NRG3: variants seen among roughly 807,000 people sequenced by gnomAD.
The protein encoded by NRG3 is pro-neuregulin-3, membrane-bound isoform.
NRG3 carries 31 observed loss-of-function variants against 66.9 expected under a neutral mutation model. The ratio of observed to expected loss-of-function variants is 0.46; its 90% CI spans 0.35 to 0.63. NRG3 has a LOEUF of 0.63. Ranked by LOEUF, NRG3 falls within the 20% of genes least tolerant of loss-of-function variation. The pLI is 0.00. For missense variants in NRG3, 910 were observed against 878.9 expected (o/e 1.04, Z -0.45); for synonymous variants, 393 against 359.4 (o/e 1.09, Z -1.06).
At chr10:82,803,505 T>C (rs907036858) in intron 3 of NRG3, among the ~76,000 whole-genome samples, 1 of 152,214 alleles carries the variant, frequency 6.6e-6, no homozygotes, top group Non-Finnish European at 1.5e-5. Flanking sequence ...TAATCTCATT[T>C]GTAAATCTCA....
intron 2 of NRG3, among the ~76,000 whole-genome samples, chr10:82,635,549 T>G (rs1320672077): frequency 6.6e-6 from 1 of 152,090 alleles, no homozygotes; most frequent in African/African-American, 2.4e-5. Context: ...AAAACGCCCC[T>G]TCTTATCTGA....
intron 3 of NRG3, among the ~76,000 whole-genome samples, chr10:82,762,483 C>T (rs940500513): frequency 2.6e-5 from 4 of 152,070 alleles, no homozygotes; most frequent in Non-Finnish European, 4.4e-5. Context: ...GAATAAGACA[C>T]ACAAATGATA....
At chr10:82,319,080 CAT>C (rs1427008730) in intron 1 of NRG3, among the ~76,000 whole-genome samples, 1 of 152,196 alleles carries the variant, frequency 6.6e-6, no homozygotes, top group African/African-American at 2.4e-5. Context: ...TTATAGGAAA[CAT>C]ATCTTACTGC....
At chr10:82,372,848 C>T (rs1042018815) in intron 2 of NRG3, among the ~76,000 whole-genome samples, 3 of 152,200 alleles carry the variant, frequency 2.0e-5, no homozygotes, top group Admixed American at 2.0e-4. Flanking sequence ...CTCACCTTGG[C>T]CTCCCTAAGT....
chr10:82,894,735 AT>A (rs946536317), intron 4 of NRG3, among the ~76,000 whole-genome samples: 20 of 150,488 alleles, frequency 1.3e-4, no homozygotes, highest in East Asian at 3.9e-4. Context: ...CTCTACAATA[AT>A]TTTTTTTTTA....
intron 2 of NRG3, among the ~76,000 whole-genome samples, chr10:82,458,579 C>T (rs1419707518): frequency 6.6e-6 from 1 of 152,116 alleles, no homozygotes; most frequent in African/African-American, 2.4e-5. Context: ...AAACTGGAAC[C>T]AAAGGCAACA....
intron 2 of NRG3, among the ~76,000 whole-genome samples, chr10:82,497,908 T>G (rs972763249): frequency 6.6e-6 from 1 of 152,186 alleles, no homozygotes; most frequent in African/African-American, 2.4e-5. Flanking sequence ...ACTTGTTGCC[T>G]CTTGTCTTTT....
intron 1 of NRG3, among the ~76,000 whole-genome samples, chr10:81,973,245 TTTCTAATA>T (rs2059996102): frequency 6.6e-6 from 1 of 152,224 alleles, no homozygotes; most frequent in Admixed American, 6.5e-5. Flanking sequence ...TGATCTCAGT[TTTCTAATA>T]GTTGTATAAC....
chr10:82,251,690 C>G (rs113891557), intron 1 of NRG3, among the ~76,000 whole-genome samples: 3 of 152,106 alleles, frequency 2.0e-5, no homozygotes, highest in African/African-American at 7.2e-5. Flanking sequence ...TTCAAAGGTG[C>G]CTTTGTTTAA....
intron 2 of NRG3, among the ~76,000 whole-genome samples, chr10:82,499,238 G>A (rs907777731): frequency 6.6e-6 from 1 of 152,144 alleles, no homozygotes; most frequent in African/African-American, 2.4e-5. Flanking sequence ...CTGTAACTCA[G>A]TTTGCTTTTG....
At chr10:82,684,502 G>A (rs564548108) in intron 2 of NRG3, among the ~76,000 whole-genome samples, 6 of 152,060 alleles carry the variant, frequency 3.9e-5, no homozygotes, top group African/African-American at 1.4e-4. Context: ...AGCACTAGAA[G>A]TAAGCCAAAA....
At chr10:82,360,752 A>T (rs1399985620) in intron 2 of NRG3, among the ~76,000 whole-genome samples, 1 of 152,128 alleles carries the variant, frequency 6.6e-6, no homozygotes, top group Non-Finnish European at 1.5e-5. Context: ...AGCAGAGTTG[A>T]TTCCTTTTGA....
At chr10:82,110,326 A>G (rs4933829) in intron 1 of NRG3, among the ~76,000 whole-genome samples, 62,862 of 151,952 alleles carry the variant, frequency 0.41, 14,394 homozygotes, top group Non-Finnish European at 0.53. Flanking sequence ...GGGTGGTAGG[A>G]GATGATGTTA....
At chr10:82,059,107 G>A (rs1160961735) in intron 1 of NRG3, among the ~76,000 whole-genome samples, 1 of 152,148 alleles carries the variant, frequency 6.6e-6, no homozygotes, top group African/African-American at 2.4e-5. Flanking sequence ...GCAGAATGAA[G>A]CCGGACAGGA....
intron 6 of NRG3, among the ~76,000 whole-genome samples, chr10:82,964,321 T>A (rs1850982183): frequency 6.6e-6 from 1 of 152,152 alleles, no homozygotes; most frequent in Admixed American, 6.5e-5. Flanking sequence ...TCAGAGCTTA[T>A]AGTAGGCAGG....
intron 1 of NRG3, among the ~76,000 whole-genome samples, chr10:81,887,374 G>A (rs1219313713): frequency 1.3e-5 from 2 of 152,076 alleles, no homozygotes; most frequent in Non-Finnish European, 2.9e-5. Context: ...AGTCTTAGTA[G>A]TATTGCTATA....
intron 2 of NRG3, among the ~76,000 whole-genome samples, chr10:82,673,072 T>A (rs2053415549): frequency 6.6e-6 from 1 of 152,156 alleles, no homozygotes; most frequent in Non-Finnish European, 1.5e-5. Flanking sequence ...TTCTCAGGTA[T>A]TGCTGTTTCC....
chr10:82,706,646 A>G (rs1348729429), intron 2 of NRG3, among the ~76,000 whole-genome samples: 2 of 152,204 alleles, frequency 1.3e-5, no homozygotes, highest in South Asian at 2.1e-4. Flanking sequence ...TGATACATGT[A>G]TATCAAGTTT....
intron 2 of NRG3, among the ~76,000 whole-genome samples, chr10:82,689,694 A>G (rs12256509): frequency 0.32 from 48,122 of 152,006 alleles, 8,996 homozygotes; most frequent in African/African-American, 0.52. Context: ...CATTACCACA[A>G]ACTGAAGTGG....
Sources: allele counts gnomAD v4.1 joint callset (sites outside exome capture counted in the v4.1 genomes callset), GRCh38; gene constraint gnomAD v4.1.1; transcripts MANE v1.5; gene names NCBI Gene and HGNC (gene_info 2026-07-23, HGNC 2026-07-21).